The following MICAL2 variants were observed in gnomAD, a reference collection of about 807,000 sequenced individuals.
MICAL2 encodes the protein [F-actin]-monooxygenase MICAL2.
Under a neutral mutation model 127.3 loss-of-function variants are expected in MICAL2, and 77 were observed. The observed-to-expected ratio is 0.60, with a 90% CI of 0.50 to 0.73. MICAL2 has a LOEUF of 0.73. Ranked by LOEUF, MICAL2 falls within the 30% of genes least tolerant of loss-of-function variation. MICAL2 has a pLI of 0.00. For synonymous variants in MICAL2, 570 were observed against 551.1 expected (o/e 1.03, Z -0.48); for missense variants, 1,351 against 1,434.4 (o/e 0.94, Z 0.94).
rs766970038 is a variant in MICAL2, at chr11:12,226,394, G to C, written c.1888+24G>C. On this transcript the variant is annotated intron_variant, in intron 14 of 27. Coordinates refer to ENST00000683283, the MANE Select transcript of MICAL2 (RefSeq NM_001282663.2). The stretch of plus-strand genomic sequence containing the variant: ...GGGTAAGCACCTGCACAGAGGTTTT[G>C]CTTAGCCCCTTGAGCCAACTCTGTC... 1.9e-6 allele frequency: 3 copies of C among 1,611,246 alleles called. No homozygotes were observed. In the South Asian group the frequency reaches 3.3e-5, roughly 18 times the overall value.
At chr11:12,114,243 A>G (rs928536000) in intron 1 of MICAL2, among the ~76,000 whole-genome samples, 3 of 152,210 alleles carry the variant, frequency 2.0e-5, no homozygotes, top group African/African-American at 7.2e-5. Flanking sequence ...GTCTAATGTC[A>G]TGTCATTTGG....
intron 3 of MICAL2, among the ~76,000 whole-genome samples, chr11:12,170,348 T>G (rs1458950238): frequency 4.0e-5 from 6 of 151,118 alleles, no homozygotes; most frequent in African/African-American, 9.7e-5. Flanking sequence ...TACTGGGGAG[T>G]CTGAGTGGGG....
intron 15 of MICAL2, among the ~76,000 whole-genome samples, chr11:12,235,484 G>A (rs987650258): frequency 3.9e-5 from 6 of 152,096 alleles, no homozygotes; most frequent in African/African-American, 1.4e-4. Flanking sequence ...CAGGCTGGGG[G>A]TAAAAAGCGG....
At chr11:12,278,313 T>C (rs1301418640) in intron 1 of MICAL2, among the ~76,000 whole-genome samples, 2 of 152,264 alleles carry the variant, frequency 1.3e-5, no homozygotes, top group African/African-American at 2.4e-5. Flanking sequence ...ATTTTCTTTC[T>C]TTATACCCTT....
intron 4 of MICAL2, among the ~76,000 whole-genome samples, chr11:12,206,310 A>G (rs917878447): frequency 1.3e-5 from 2 of 152,120 alleles, no homozygotes; most frequent in Non-Finnish European, 2.9e-5. Flanking sequence ...TGGGGCTTTC[A>G]TTGAACCCCT....
At chr11:12,311,944 T>C (rs1864179632) in intron 29 of MICAL2, among the ~76,000 whole-genome samples, 2 of 151,980 alleles carry the variant, frequency 1.3e-5, no homozygotes, top group African/African-American at 4.8e-5. Flanking sequence ...TTCTATTTCT[T>C]CTTGTGTTTG....
intron 2 of MICAL2, among the ~76,000 whole-genome samples, chr11:12,144,320 A>T (rs1473477875): frequency 6.6e-6 from 1 of 152,236 alleles, no homozygotes; most frequent in Non-Finnish European, 1.5e-5. Flanking sequence ...TGTATTCATC[A>T]GGATGATGGG....
At chr11:12,329,627 C>T (rs1313803626) in intron 32 of MICAL2, among the ~76,000 whole-genome samples, 1 of 152,040 alleles carries the variant, frequency 6.6e-6, no homozygotes. Flanking sequence ...TAATAATCCC[C>T]ATATTATCAG....
chr11:12,226,916 G>A (rs1359211099), intron 14 of MICAL2, 109 bp from the exon 15 acceptor site: 1 of 810,756 alleles, frequency 1.2e-6, no homozygotes, highest in East Asian at 2.7e-5. Context: ...GGCCTCCCAA[G>A]TGCTGGGATT....
chr11:12,319,662 A>G (rs1195129934), intron 29 of MICAL2: 1 of 1,434,282 alleles, frequency 7.0e-7, no homozygotes, highest in Non-Finnish European at 9.8e-7. Flanking sequence ...AAATGAAGCT[A>G]GCAGTTCATT....
chr11:12,145,615 A>G lies in MICAL2; in HGVS notation c.-78+7155A>G, dbSNP rs114037558. Among the ~76,000 whole-genome samples, 545 of 152,236 alleles carry G rather than the reference A, an allele frequency of 3.6e-3. 10 individuals are homozygous for G. The highest frequency in any genetic ancestry group is 0.013 in the African/African-American group (526 of 41,550). Reference sequence around the variant, plus strand: ...ATGCTGCCTCTCTGCAGCACAGGCAATTTTACATCTAAATCTTAGATCCTG... The same window carrying G: ...ATGCTGCCTCTCTGCAGCACAGGCAGTTTTACATCTAAATCTTAGATCCTG... On this transcript the variant is annotated intron_variant, in intron 2 of 27. Transcript: ENST00000683283.
intron 15 of MICAL2, among the ~76,000 whole-genome samples, chr11:12,234,199 AG>A (rs1430837221): frequency 7.9e-5 from 12 of 152,146 alleles, no homozygotes; most frequent in Middle Eastern, 3.4e-3. Flanking sequence ...CAATCTATAT[AG>A]GCTCCCGTGG....
At chr11:12,287,037 A>G (rs1863835015) in intron 2 of MICAL2, 5 of 398,890 alleles carry the variant, frequency 1.3e-5, no homozygotes, top group African/African-American at 2.1e-5. Flanking sequence ...TACACATTTA[A>G]TGGACTCTTC....
downstream of MICAL2, among the ~76,000 whole-genome samples, chr11:12,267,277 G>T (rs1863619284): frequency 6.6e-6 from 1 of 152,276 alleles, no homozygotes; most frequent in African/African-American, 2.4e-5. Flanking sequence ...TGTCTACTGG[G>T]CATGTCCAGC....
At chr11:12,117,433 T>C (rs1850131828) in intron 1 of MICAL2, among the ~76,000 whole-genome samples, 1 of 152,220 alleles carries the variant, frequency 6.6e-6, no homozygotes, top group South Asian at 2.1e-4. Context: ...CATGTTGAGG[T>C]GCAGAAACTA....
At chr11:12,169,859 T>G (rs1403109396) in intron 3 of MICAL2, among the ~76,000 whole-genome samples, 1 of 152,202 alleles carries the variant, frequency 6.6e-6, no homozygotes, top group Non-Finnish European at 1.5e-5. Flanking sequence ...GAGTGGATAC[T>G]CCCACCAATA....
exon 3 of MICAL2, chr11:12,287,226 C>T (rs1226306109): frequency 2.5e-6 from 1 of 398,656 alleles, no homozygotes; most frequent in Admixed American, 4.4e-5. Context: ...CTGGTTAATT[C>T]TCAGGGGCAG....
At chr11:12,251,103 A>G (rs947162294) in intron 22 of MICAL2, among the ~76,000 whole-genome samples, 4 of 152,090 alleles carry the variant, frequency 2.6e-5, no homozygotes, top group Admixed American at 6.5e-5. Flanking sequence ...GAACCATTTG[A>G]TATTGCCACA....
At chr11:12,187,767 A>G (rs1858500652) in intron 3 of MICAL2, among the ~76,000 whole-genome samples, 1 of 151,950 alleles carries the variant, frequency 6.6e-6, no homozygotes, top group Admixed American at 6.6e-5. Context: ...GCCTCCCTGA[A>G]AGCCCAGGTT....
Sources: allele counts gnomAD v4.1 joint callset (sites outside exome capture counted in the v4.1 genomes callset), GRCh38; gene constraint gnomAD v4.1.1; transcripts MANE v1.5; gene names NCBI Gene and HGNC (gene_info 2026-07-23, HGNC 2026-07-21).